Variants in ZDHHC4 observed in about 807,000 individuals in gnomAD.
ZDHHC4 encodes the protein zDHHC palmitoyltransferase 4.
A neutral mutation model predicts 36.7 loss-of-function variants in ZDHHC4; 42 were observed. The ratio of observed to expected loss-of-function variants is 1.14; its 90% CI spans 0.89 to 1.48. The LOEUF is 1.48. ZDHHC4 is among the 40% of genes most tolerant of loss of function. ZDHHC4 has a pLI of 0.00. For missense variants in ZDHHC4, 457 were observed against 421.5 expected, an observed-to-expected ratio of 1.08 and a Z score of -0.74; for synonymous variants, 189 against 166.6, an observed-to-expected ratio of 1.13 and a Z score of -1.03.
chr7:6,581,749 A>T, intron 4 of ZDHHC4, 69 bp downstream of exon 4: 1 of 1,257,866 alleles, frequency 7.9e-7, no homozygotes. Flanking sequence ...GAGATCCTCT[A>T]GCTTCAGGAA....
intron 5 of ZDHHC4, among the ~76,000 whole-genome samples, chr7:6,582,548 C>T (rs115374357): frequency 0.012 from 1,857 of 152,214 alleles, 46 homozygotes; most frequent in African/African-American, 0.042. Context: ...GACGGAGTCA[C>T]GCTTTGTCGC....
chr7:6,585,748 G>A (rs146619639), intron 7 of ZDHHC4, among the ~76,000 whole-genome samples: 2,001 of 152,248 alleles, frequency 0.013, 24 homozygotes, highest in African/African-American at 0.034. Context: ...AGAGGTTGCA[G>A]TGAGCTGAGA....
At chr7:6,586,958 CATGTTTTATGTTTATGTTTTT>C (rs1408977336) in intron 7 of ZDHHC4, among the ~76,000 whole-genome samples, 6 of 151,894 alleles carry the variant, frequency 4.0e-5, no homozygotes, top group Admixed American at 3.3e-4. Flanking sequence ...GTTTATAAAA[CATGTTTTATGTTTATGTTTTT>C]ATGTTTTATG....
At chr7:6,588,567 T>C (rs1157898022) in intron 7 of ZDHHC4, 50 bp from the exon 8 acceptor site, 4 of 1,586,200 alleles carry the variant, frequency 2.5e-6, no homozygotes, top group African/African-American at 1.3e-5. Flanking sequence ...TTCACTCTCA[T>C]GGATGTCACA....
At position 6,583,348 on chromosome 7, in the gene ZDHHC4, A is replaced by G. The variant is rs1465283163; in HGVS notation, c.413A>G (p.Tyr138Cys). 1 of 1,613,588 alleles carries G rather than the reference A, an allele frequency of 6.2e-7. No homozygotes were observed. Among genetic ancestry groups the G allele is most frequent in the Admixed American group, 1.7e-5 (1 of 59,914 alleles). The change falls in exon 6 of 8, where the codon TAT (tyrosine) becomes TGT (cysteine). Residue 138 changes from tyrosine to cysteine, a missense_variant. Transcript: ENST00000335965. ...AATGAATTATTATTTCTTCATGTTTATGAATTTGATGAAGTGATGTTTCCA... is the reference window on the plus strand; with the variant it reads ...AATGAATTATTATTTCTTCATGTTTGTGAATTTGATGAAGTGATGTTTCCA... ...KANELLFLHV[Y>C]EFDEVMFPKN...
chr7:6,583,463 C>T, intron 6 of ZDHHC4, 32 bp downstream of exon 6: 1 of 1,589,802 alleles, frequency 6.3e-7, no homozygotes, highest in South Asian at 1.1e-5. Context: ...CCAGCGGCAC[C>T]TCCAACAGCA....
Position 6,585,080 on chromosome 7 carries a change from G to A in ZDHHC4, c.561G>A (p.Gly187=), listed in dbSNP as rs766180701. Residue 187 remains glycine (G), a synonymous_variant, in exon 7 of 8, where the codon GGG becomes GGA. Transcript: ENST00000335965. ...HHCVWVNNCI[G]AWNIRYFLIY... ...GTGTTTGGGTGAACAACTGCATCGGGGCCTGGAACATCAGGTACTTCCTCA... is the reference window on the plus strand; with the variant it reads ...GTGTTTGGGTGAACAACTGCATCGGAGCCTGGAACATCAGGTACTTCCTCA... 37 of 1,614,000 alleles carry A rather than the reference G, an allele frequency of 2.3e-5. No homozygotes were observed. In the Admixed American group the frequency reaches 4.5e-4, roughly 20 times the overall value.
At chr7:6,583,768 C>G (rs938255143) in intron 6 of ZDHHC4, 1 of 197,064 alleles carries the variant, frequency 5.1e-6, no homozygotes, top group African/African-American at 2.3e-5. Flanking sequence ...GATTCTAGAC[C>G]CGTGCTGTCT....
intron 7 of ZDHHC4, among the ~76,000 whole-genome samples, chr7:6,587,209 G>T (rs1781302849): frequency 6.6e-6 from 1 of 152,036 alleles, no homozygotes; most frequent in South Asian, 2.1e-4. Context: ...GACTGGCCCA[G>T]AATCACTTTT....
At chr7:6,585,847 C>A (rs1401928774) in intron 7 of ZDHHC4, among the ~76,000 whole-genome samples, 2 of 151,844 alleles carry the variant, frequency 1.3e-5, no homozygotes, top group Non-Finnish European at 2.9e-5. Context: ...TTTTTCTAAA[C>A]TGATATAAAA....
At chr7:6,583,249 G>A in intron 5 of ZDHHC4, 57 bp from the exon 6 acceptor site, 2 of 1,589,236 alleles carry the variant, frequency 1.3e-6, no homozygotes, top group South Asian at 1.1e-5. Context: ...GACGGGTTTT[G>A]TGACTATCCA....
In ZDHHC4 at chr7:6,585,149, T is replaced by C. The variant is rs371427098; in HGVS notation, c.630T>C (p.Ile210=). Residue 210 remains isoleucine (I), a synonymous_variant, in exon 7 of 8, where the codon ATT becomes ATC. Coordinates refer to ENST00000335965, the MANE Select transcript of ZDHHC4 (RefSeq NM_001134389.2). The stretch of plus-strand genomic sequence containing the variant: ...CGGCCTCGGCTGCCACCGTCGCCAT[T>C]GTGAGCACCACTTTTCTGGTCCACT... ...TLTASAATVA[I]VSTTFLVHLV... 2 of 1,614,068 alleles carry C rather than the reference T, an allele frequency of 1.2e-6. No individual in the cohort carries two copies. The highest frequency in any genetic ancestry group is 1.7e-6 in the Non-Finnish European group (2 of 1,180,044).
chr7:6,583,168 A>C (rs1780981247), intron 5 of ZDHHC4, 138 bp from the exon 6 acceptor site: 1 of 978,548 alleles, frequency 1.0e-6, no homozygotes, highest in Admixed American at 2.6e-5. Flanking sequence ...TGACAAAGTA[A>C]GACTGTCTCA....
chr7:6,580,565 G>A lies in ZDHHC4; in HGVS notation c.4G>A (p.Asp2Asn), dbSNP rs1780770634. The A allele has an allele frequency of 6.2e-7, 1 of 1,614,072 alleles. No individual in the cohort carries two copies. The highest frequency in any genetic ancestry group is 1.3e-5 in the African/African-American group (1 of 75,032). MDFLVLFLFYLA... is the reference protein window; with the variant it reads MNFLVLFLFYLA... Reference sequence around the variant, plus strand: ...TCTGTTCCTTTGTAGCTGCAGGATGGACTTTCTGGTCCTCTTCTTGTTCTA... The same window carrying A: ...TCTGTTCCTTTGTAGCTGCAGGATGAACTTTCTGGTCCTCTTCTTGTTCTA... The change falls in exon 3 of 8, where the codon GAC (aspartate) becomes AAC (asparagine). Residue 2 changes from aspartate (D) to asparagine (N), a missense_variant. Coordinates refer to ENST00000335965, the MANE Select transcript of ZDHHC4 (RefSeq NM_001134389.2).
At chr7:6,585,490 C>T (rs1236192530) in intron 7 of ZDHHC4, among the ~76,000 whole-genome samples, 2 of 151,718 alleles carry the variant, frequency 1.3e-5, no homozygotes, top group Non-Finnish European at 2.9e-5. Flanking sequence ...CTGTAGAGAC[C>T]TTGTCTCTAC....
chr7:6,581,545 T>G, intron 3 of ZDHHC4, 62 bp from the exon 4 acceptor site: 13 of 1,291,948 alleles, frequency 1.0e-5, no homozygotes, highest in South Asian at 2.4e-5. Flanking sequence ...GAGTGTCTGA[T>G]TTGTTTGGGA....
chr7:6,580,662 C>T lies in ZDHHC4; in HGVS notation c.101C>T (p.Ala34Val). The change falls in exon 3 of 8, where the codon GCC becomes GTC. Residue 34 changes from alanine (A) to valine (V), a missense_variant. Coordinates refer to ENST00000335965, the MANE Select transcript of ZDHHC4 (RefSeq NM_001134389.2). ...CSKTHSLKGL[A>V]RGGAQIFSCI... is the part of the protein sequence containing the mutation. ...AAAACCCATAGCTTGAAAGGCCTGG[C>T]CAGGGGAGGAGCACAGGTAAGGATG... 6.2e-7 allele frequency: 1 copy of T among 1,614,008 alleles called. No homozygotes were observed. The highest frequency in any genetic ancestry group is 8.5e-7 in the Non-Finnish European group (1 of 1,179,956).
chr7:6,580,695 G>A lies in ZDHHC4; in HGVS notation c.117+17G>A, dbSNP rs755793903. 6.2e-7 allele frequency: 1 copy of A among 1,605,456 alleles called. No homozygotes were observed. On this transcript the variant is annotated intron_variant, in intron 3 of 7. Transcript: ENST00000335965. ...GGAGCACAGGTAAGGATGATCCTTG[G>A]ATGGCACTGGAATTTGAATACTGTG...
intron 2 of ZDHHC4, among the ~76,000 whole-genome samples, chr7:6,579,452 G>A (rs565695052): frequency 3.1e-4 from 47 of 151,988 alleles, no homozygotes; most frequent in Non-Finnish European, 6.6e-4. Flanking sequence ...CGCCTGCCTC[G>A]ACATGCCAAA....
Sources: gnomAD v4.1 joint callset for allele counts (sites outside exome capture counted in the v4.1 genomes callset) on GRCh38, gnomAD v4.1.1 for gene constraint, MANE v1.5 for transcripts, NCBI Gene and HGNC (gene_info 2026-07-23, HGNC 2026-07-21) for gene names.